The following PTPRD variants were observed in gnomAD, a reference collection of about 807,000 sequenced individuals.
PTPRD encodes the protein receptor-type tyrosine-protein phosphatase delta.
Under a neutral mutation model 214.5 loss-of-function variants are expected in PTPRD, and 34 were observed. That is an observed-to-expected ratio of 0.16 (90% CI 0.12 to 0.21). The LOEUF is 0.21. Ranked by LOEUF, PTPRD falls within the 10% of genes least tolerant of loss-of-function variation. The pLI, the probability that PTPRD is intolerant of heterozygous loss-of-function variation, is 1.00. For missense variants in PTPRD, 2,545 were observed against 2,398.7 expected (o/e 1.06, Z -1.27); for synonymous variants, 1,128 against 845.7 (o/e 1.33, Z -5.79).
intron 21 of PTPRD, among the ~76,000 whole-genome samples, chr9:8,517,622 A>G (rs2097804413): frequency 6.6e-6 from 1 of 152,248 alleles, no homozygotes; most frequent in Non-Finnish European, 1.5e-5. Flanking sequence ...TCATTCCCAT[A>G]CAAATTAAAA....
intron 3 of PTPRD, among the ~76,000 whole-genome samples, chr9:10,125,261 T>C (rs2098807001): frequency 6.6e-6 from 1 of 151,980 alleles, no homozygotes. Context: ...GTTTTCTCTA[T>C]CCACATTATT....
intron 11 of PTPRD, among the ~76,000 whole-genome samples, chr9:8,971,482 C>G (rs2099238003): frequency 6.6e-6 from 1 of 151,588 alleles, no homozygotes; most frequent in African/African-American, 2.4e-5. Flanking sequence ...ATGGGAAGGA[C>G]AGTTATGCCT....
At chr9:9,088,606 A>C (rs1426898851) in intron 10 of PTPRD, among the ~76,000 whole-genome samples, 1 of 148,974 alleles carries the variant, frequency 6.7e-6, no homozygotes, top group Non-Finnish European at 1.5e-5. Flanking sequence ...AAAAAAAAAA[A>C]AAAGAAGTCT....
chr9:10,208,939 A>C (rs1271848828), intron 3 of PTPRD, among the ~76,000 whole-genome samples: 1 of 152,180 alleles, frequency 6.6e-6, no homozygotes, highest in Non-Finnish European at 1.5e-5. Context: ...CACCTTAAGG[A>C]GTAGAAAAGG....
At chr9:8,448,565 C>G (rs1280642971) in intron 34 of PTPRD, among the ~76,000 whole-genome samples, 1 of 152,020 alleles carries the variant, frequency 6.6e-6, no homozygotes, top group Non-Finnish European at 1.5e-5. Context: ...TGTACACGTT[C>G]CCGGTGCATG....
intron 8 of PTPRD, among the ~76,000 whole-genome samples, chr9:9,492,543 AT>A (rs1182696304): frequency 1.3e-5 from 2 of 152,130 alleles, no homozygotes; most frequent in Admixed American, 1.3e-4. Context: ...CCTTAACAAA[AT>A]ATAAAACAAC....
intron 3 of PTPRD, among the ~76,000 whole-genome samples, chr9:10,146,254 T>C (rs1380559655): frequency 6.6e-6 from 1 of 151,742 alleles, no homozygotes; most frequent in Non-Finnish European, 1.5e-5. Context: ...CATACATACA[T>C]ACATATATAC....
At chr9:8,745,561 A>T (rs114711934) in intron 11 of PTPRD, among the ~76,000 whole-genome samples, 1 of 152,130 alleles carries the variant, frequency 6.6e-6, no homozygotes, top group Admixed American at 6.5e-5. Context: ...ATGAGTCAAA[A>T]ATTTTCTAAA....
chr9:9,157,382 A>T (rs146459256), intron 10 of PTPRD, among the ~76,000 whole-genome samples: 1 of 152,268 alleles, frequency 6.6e-6, no homozygotes, highest in African/African-American at 2.4e-5. Context: ...ATAAACTCTT[A>T]GATTAATGAG....
At chr9:10,407,538 A>G (rs1383143031) in intron 2 of PTPRD, among the ~76,000 whole-genome samples, 2 of 151,548 alleles carry the variant, frequency 1.3e-5, no homozygotes, top group African/African-American at 2.4e-5. Flanking sequence ...TCGGCACACC[A>G]AAGTTTTCCT....
intron 2 of PTPRD, among the ~76,000 whole-genome samples, chr9:10,597,076 T>A (rs1287104935): frequency 6.6e-6 from 1 of 151,296 alleles, no homozygotes; most frequent in South Asian, 2.1e-4. Context: ...TTTCCATATA[T>A]ATATATATTT....
intron 14 of PTPRD, among the ~76,000 whole-genome samples, chr9:8,615,796 A>C (rs2095593992): frequency 6.6e-6 from 1 of 152,116 alleles, no homozygotes; most frequent in African/African-American, 2.4e-5. Context: ...ATTTGTCCTT[A>C]TCAGGAAGTA....
intron 9 of PTPRD, among the ~76,000 whole-genome samples, chr9:9,252,251 T>C (rs909899517): frequency 6.6e-6 from 1 of 152,042 alleles, no homozygotes; most frequent in Admixed American, 6.6e-5. Flanking sequence ...ACAGGAAATG[T>C]ACATTTATAA....
intron 11 of PTPRD, among the ~76,000 whole-genome samples, chr9:8,819,164 G>C (rs934523548): frequency 2.6e-5 from 4 of 152,102 alleles, no homozygotes; most frequent in African/African-American, 9.7e-5. Context: ...TAAACACCAA[G>C]CACTTACTCT....
At chr9:9,734,172 T>C (rs139530533) in intron 7 of PTPRD, among the ~76,000 whole-genome samples, 608 of 152,286 alleles carry the variant, frequency 4.0e-3, no homozygotes, top group African/African-American at 0.014. Flanking sequence ...TTATCTTGCT[T>C]CTGCATTTGA....
chr9:9,042,617 TTC>T (rs373099419), intron 10 of PTPRD, among the ~76,000 whole-genome samples: 32,475 of 85,206 alleles, frequency 0.38, 3,694 homozygotes, highest in Non-Finnish European at 0.45. Context: ...TTTTTTTCTT[TTC>T]TTTTTTTTTT....
intron 3 of PTPRD, among the ~76,000 whole-genome samples, chr9:10,268,001 C>T (rs2154380555): frequency 6.6e-6 from 1 of 152,016 alleles, no homozygotes; most frequent in Non-Finnish European, 1.5e-5. Context: ...TGATTAACAG[C>T]CAGGTGTGGT....
At chr9:9,545,886 A>G (rs188537468) in intron 8 of PTPRD, among the ~76,000 whole-genome samples, 23 of 151,916 alleles carry the variant, frequency 1.5e-4, no homozygotes, top group Admixed American at 3.3e-4. Flanking sequence ...CGAATTTTAG[A>G]AAAAACAACT....
chr9:9,492,531 C>T (rs1258582381), intron 8 of PTPRD, among the ~76,000 whole-genome samples: 2 of 151,926 alleles, frequency 1.3e-5, no homozygotes, highest in Non-Finnish European at 2.9e-5. Flanking sequence ...TGTAATATAC[C>T]ACCTTAACAA....
Sources: allele counts gnomAD v4.1 joint callset (sites outside exome capture counted in the v4.1 genomes callset), GRCh38; gene constraint gnomAD v4.1.1; transcripts MANE v1.5; gene names NCBI Gene and HGNC (gene_info 2026-07-23, HGNC 2026-07-21).